Variants in DOCK10 observed in about 807,000 individuals in gnomAD.
DOCK10 encodes dedicator of cytokinesis 10.
In DOCK10, 145 loss-of-function variants were observed where a neutral mutation model predicts 280.1. The ratio of observed to expected loss-of-function variants is 0.52; its 90% CI spans 0.45 to 0.59. DOCK10 has a LOEUF of 0.59. DOCK10 is among the 20% of genes least tolerant of loss of function. DOCK10 has a pLI of 0.00. For synonymous variants in DOCK10, 915 were observed against 942.2 expected, an observed-to-expected ratio of 0.97 and a Z score of 0.53; for missense variants, 2,368 against 2,651.7, an observed-to-expected ratio of 0.89 and a Z score of 2.35.
intron 1 of DOCK10, among the ~76,000 whole-genome samples, chr2:224,948,466 C>T (rs1267894680): frequency 1.3e-5 from 2 of 152,140 alleles, no homozygotes; most frequent in African/African-American, 4.8e-5. Context: ...CAGATTTCAC[C>T]CTCAAAGTAA....
intron 1 of DOCK10, among the ~76,000 whole-genome samples, chr2:224,940,834 C>T (rs1480970480): frequency 1.3e-5 from 2 of 152,198 alleles, no homozygotes; most frequent in Admixed American, 6.5e-5. Flanking sequence ...CTGCAATATA[C>T]AACAGATCAG....
chr2:224,850,959 G>A (rs1429998880), intron 18 of DOCK10, among the ~76,000 whole-genome samples: 1 of 152,106 alleles, frequency 6.6e-6, no homozygotes, highest in Non-Finnish European at 1.5e-5. Context: ...TGTGAGAATG[G>A]AGTGATACAG....
intron 1 of DOCK10, among the ~76,000 whole-genome samples, chr2:225,023,192 C>T (rs1465234476): frequency 2.0e-5 from 3 of 152,074 alleles, no homozygotes; most frequent in African/African-American, 4.8e-5. Flanking sequence ...CCCACCACCA[C>T]GCCTGGCTGA....
chr2:224,897,289 G>C (rs1672564683), intron 3 of DOCK10, among the ~76,000 whole-genome samples: 1 of 152,074 alleles, frequency 6.6e-6, no homozygotes, highest in African/African-American at 2.4e-5. Context: ...GTACATTGCA[G>C]GTGTATATAT....
intron 30 of DOCK10, among the ~76,000 whole-genome samples, chr2:224,814,856 A>G (rs1694021498): frequency 6.6e-6 from 1 of 152,172 alleles, no homozygotes; most frequent in African/African-American, 2.4e-5. Context: ...TCATGAGCAG[A>G]ATTATTCTAA....
intron 1 of DOCK10, among the ~76,000 whole-genome samples, chr2:224,983,077 A>C (rs1705828924): frequency 6.6e-6 from 1 of 152,186 alleles, no homozygotes; most frequent in Non-Finnish European, 1.5e-5. Context: ...TTTTATATTT[A>C]CATACGCGGC....
intron 28 of DOCK10, among the ~76,000 whole-genome samples, chr2:224,821,771 T>C (rs1251850193): frequency 1.3e-5 from 2 of 152,206 alleles, no homozygotes; most frequent in Non-Finnish European, 2.9e-5. Flanking sequence ...CTAAGTTTCC[T>C]AGTAAACTAT....
intron 1 of DOCK10, 118 bp from the exon 2 acceptor site, chr2:224,931,786 A>G: frequency 3.6e-6 from 4 of 1,123,734 alleles, no homozygotes; most frequent in Non-Finnish European, 4.8e-6. Flanking sequence ...AATCCTTCCA[A>G]TGCAGTCACA....
chr2:224,832,647 ATGT>A (rs1392508471), intron 26 of DOCK10, among the ~76,000 whole-genome samples: 3 of 152,142 alleles, frequency 2.0e-5, no homozygotes, highest in East Asian at 1.9e-4. Context: ...GAAGTGAAAC[ATGT>A]TGTTAGGAAT....
At chr2:224,839,870 A>C in intron 24 of DOCK10, 84 bp downstream of exon 24, 1 of 558,306 alleles carries the variant, frequency 1.8e-6, no homozygotes, top group Non-Finnish European at 3.1e-6. Flanking sequence ...AACACACAAC[A>C]GTAGATGACT....
chr2:224,778,372 T>C lies in DOCK10; in HGVS notation c.5656-88A>G, dbSNP rs764857390. 2.0e-5 allele frequency: 27 copies of C among 1,347,310 alleles called. 1 individual carries two copies. In the South Asian group the frequency reaches 3.2e-4, roughly 16 times the overall value. The allele number at this position is 1,347,310 out of a possible 1,614,324, so 83.5% of individuals were successfully genotyped here. On this transcript the variant is annotated intron_variant, in intron 50 of 55. Transcript: ENST00000258390. ...CAAAAAGCCATTTACTTAAAAAACA[T>C]ATACAGTTTTTGGTTGTCATCTAAT...
intron 3 of DOCK10, among the ~76,000 whole-genome samples, chr2:224,903,318 G>A (rs1700417031): frequency 6.6e-6 from 1 of 152,106 alleles, no homozygotes; most frequent in Non-Finnish European, 1.5e-5. Flanking sequence ...ATATATATAA[G>A]CATGCATGCC....
intron 1 of DOCK10, among the ~76,000 whole-genome samples, chr2:224,961,400 C>A (rs1704380926): frequency 8.4e-6 from 1 of 119,134 alleles, no homozygotes; most frequent in African/African-American, 3.3e-5. Flanking sequence ...GCAGCATTTT[C>A]TTTCTTTCTT....
chr2:225,007,950 T>C lies in DOCK10; in HGVS notation c.123+34302A>G, dbSNP rs188166565. ...TGTTCTTTAAGAAATGCTGCTATCA[T>C]CTAATTTTTTTTTTTCAATGGAGTG... On this transcript the variant is annotated intron_variant, in intron 1 of 55. Coordinates refer to ENST00000258390, the MANE Select transcript of DOCK10 (RefSeq NM_014689.3). Among the ~76,000 whole-genome samples the C allele has an allele frequency of 2.0e-5, 3 of 151,584 alleles. No individual in the cohort carries two copies. In the East Asian group the frequency reaches 5.8e-4, roughly 29 times the overall value.
Position 224,786,208 on chromosome 2 carries a change from G to A in DOCK10, c.5655+814C>T, listed in dbSNP as rs1691721665. On this transcript the variant is annotated intron_variant, in intron 50 of 55. Transcript: ENST00000258390. The surrounding 1 kb of genome is among the most constrained non-coding windows in gnomAD (Gnocchi z 4.7). ...GGCTACTGAGCGAGATGATGGGCTG[G>A]GGGCAGAGGAAGTGTGAGGTCTGAG... Among the ~76,000 whole-genome samples, 1 of 152,120 alleles carries A rather than the reference G, an allele frequency of 6.6e-6. No homozygotes were observed. The highest frequency in any genetic ancestry group is 2.1e-4 in the South Asian group (1 of 4,818).
intron 1 of DOCK10, among the ~76,000 whole-genome samples, chr2:224,964,188 T>C (rs1423738115): frequency 1.3e-5 from 2 of 152,202 alleles, no homozygotes; most frequent in African/African-American, 4.8e-5. Context: ...AATAAAAATA[T>C]GTCATAGAAT....
chr2:224,887,807 C>A (rs562754346), intron 4 of DOCK10, among the ~76,000 whole-genome samples: 1 of 152,168 alleles, frequency 6.6e-6, no homozygotes, highest in Non-Finnish European at 1.5e-5. Context: ...GCAGTAAAAT[C>A]TACTGATTTA....
At chr2:224,822,677 T>C (rs978716401) in intron 28 of DOCK10, among the ~76,000 whole-genome samples, 6 of 152,064 alleles carry the variant, frequency 3.9e-5, no homozygotes, top group Admixed American at 1.3e-4. Flanking sequence ...CATGCCAGTG[T>C]GCTCCAGCTT....
chr2:224,907,350 C>T (rs1036235042), intron 3 of DOCK10, among the ~76,000 whole-genome samples: 1 of 152,064 alleles, frequency 6.6e-6, no homozygotes, highest in African/African-American at 2.4e-5. Flanking sequence ...AATTGCATGA[C>T]CTCCCTGAAC....
Sources: gnomAD v4.1 joint callset for allele counts (sites outside exome capture counted in the v4.1 genomes callset) on GRCh38, gnomAD v4.1.1 for gene constraint, Gnocchi (gnomAD v3.1) non-coding constraint, MANE v1.5 for transcripts, NCBI Gene and HGNC (gene_info 2026-07-23, HGNC 2026-07-21) for gene names.